The following UPF2 variants were observed in gnomAD, a reference collection of about 807,000 sequenced individuals.
UPF2 encodes the protein regulator of nonsense transcripts 2.
In UPF2, 17 loss-of-function variants were observed where a neutral mutation model predicts 141.4. The observed-to-expected ratio is 0.12, with a 90% CI of 0.08 to 0.18. The LOEUF (loss-of-function observed/expected upper bound fraction) is 0.18, where lower values mean the gene tolerates loss of function less well. Among genes scored for constraint, UPF2 ranks in the 10% least tolerant of loss-of-function variants. UPF2 has a pLI of 1.00. For missense variants in UPF2, 1,152 were observed against 1,515.9 expected, an observed-to-expected ratio of 0.76 and a Z score of 3.99; for synonymous variants, 540 against 498.0, an observed-to-expected ratio of 1.08 and a Z score of -1.12.
At chr10:12,032,628 C>G (rs1395276556) in intron 2 of UPF2, among the ~76,000 whole-genome samples, 2 of 151,946 alleles carry the variant, frequency 1.3e-5, no homozygotes, top group East Asian at 3.9e-4. Context: ...GTCCCAGCTA[C>G]TCAAGAGGCA....
At chr10:11,978,968 A>T in intron 9 of UPF2, 89 bp downstream of exon 9, 1 of 1,102,912 alleles carries the variant, frequency 9.1e-7, no homozygotes, top group Non-Finnish European at 1.3e-6. Context: ...AAATTTCAAG[A>T]ATATGCTTAC....
At chr10:11,960,189 C>T (rs1833217281) in intron 11 of UPF2, among the ~76,000 whole-genome samples, 1 of 152,154 alleles carries the variant, frequency 6.6e-6, no homozygotes, top group Non-Finnish European at 1.5e-5. Context: ...GATCTTTAAA[C>T]AGCACTCCTA....
chr10:11,969,391 G>A (rs965428085), intron 9 of UPF2, among the ~76,000 whole-genome samples: 7 of 151,828 alleles, frequency 4.6e-5, no homozygotes, highest in Admixed American at 1.3e-4. Flanking sequence ...GGCTGGTCTC[G>A]AACTCCTGAC....
intron 14 of UPF2, among the ~76,000 whole-genome samples, chr10:11,952,775 T>C (rs752784169): frequency 1.3e-5 from 2 of 152,034 alleles, no homozygotes; most frequent in Non-Finnish European, 2.9e-5. Context: ...CGCCCGGCCC[T>C]AGATATCTTT....
intron 21 of UPF2, among the ~76,000 whole-genome samples, chr10:11,922,836 A>C (rs945764468): frequency 6.6e-6 from 1 of 152,224 alleles, no homozygotes. Flanking sequence ...CAAGAGTTCA[A>C]TATCAGCCTG....
At chr10:11,984,134 G>C (rs1045478102) in intron 8 of UPF2, among the ~76,000 whole-genome samples, 2 of 152,032 alleles carry the variant, frequency 1.3e-5, no homozygotes, top group African/African-American at 4.8e-5. Flanking sequence ...TGTTGGTCAG[G>C]GTGGTCTGGA....
intron 21 of UPF2, among the ~76,000 whole-genome samples, chr10:11,927,774 G>T (rs1423094662): frequency 6.6e-6 from 1 of 152,086 alleles, no homozygotes; most frequent in African/African-American, 2.4e-5. Context: ...TGACAAGCCA[G>T]TTTTCTACAT....
At chr10:11,969,663 T>A (rs141960801) in intron 9 of UPF2, among the ~76,000 whole-genome samples, 4 of 152,226 alleles carry the variant, frequency 2.6e-5, no homozygotes, top group Non-Finnish European at 5.9e-5. Context: ...ATGTTTCATA[T>A]ACATGCACAT....
chr10:12,001,620 A>T, intron 6 of UPF2, 56 bp downstream of exon 6: 3 of 1,459,498 alleles, frequency 2.1e-6, no homozygotes, highest in Non-Finnish European at 2.8e-6. Context: ...TTCTTAGGCA[A>T]GAGCTCTGTG....
chr10:12,036,693 C>T (rs980482550), intron 1 of UPF2, among the ~76,000 whole-genome samples: 16 of 152,186 alleles, frequency 1.1e-4, no homozygotes, highest in Admixed American at 1.3e-4. Context: ...TGGTGTTTCA[C>T]GTTTTAACTC....
chr10:11,977,340 A>T (rs1833521400), intron 9 of UPF2, among the ~76,000 whole-genome samples: 1 of 152,156 alleles, frequency 6.6e-6, no homozygotes, highest in Non-Finnish European at 1.5e-5. Context: ...GTAGAAGGTG[A>T]TCAAGTTTGT....
In UPF2 at chr10:12,031,188, AAAC is replaced by A. The variant is rs1291399913; in HGVS notation, c.366-1667_366-1665del. Among the ~76,000 whole-genome samples, 11 of 151,174 alleles carry A rather than the reference AAAC, an allele frequency of 7.3e-5. 3 individuals are homozygous for A. The highest frequency in any genetic ancestry group is 3.3e-4 in the Admixed American group (5 of 15,152). Reference sequence around the variant, plus strand: ...GACTCCATCTCAAAAAAAAAAAAAAAAACAAAACAGTTTTGCAATGTTAGATAT... The same window carrying A: ...GACTCCATCTCAAAAAAAAAAAAAAAAAAACAGTTTTGCAATGTTAGATAT... On this transcript the variant is annotated intron_variant, in intron 2 of 21. Transcript: ENST00000357604.
rs911123615 is a variant in UPF2 at position 12,014,791 on chromosome 10, T to C, written c.1146-607A>G. Reference sequence around the variant, plus strand: ...AGTTATCCTTAAACTTCCATAATGATTTGAATCAAGATTATCTTTTGAAAA... The same window carrying C: ...AGTTATCCTTAAACTTCCATAATGACTTGAATCAAGATTATCTTTTGAAAA... On this transcript the variant is annotated intron_variant, in intron 3 of 21. Coordinates refer to ENST00000357604, the MANE Select transcript of UPF2 (RefSeq NM_015542.4). The surrounding 1 kb of genome is among the most constrained non-coding windows in gnomAD (Gnocchi z 5.0). Among the ~76,000 whole-genome samples the C allele has an allele frequency of 6.6e-6, 1 of 152,178 alleles. No homozygotes were observed. Among genetic ancestry groups the C allele is most frequent in the Admixed American group, 6.5e-5 (1 of 15,282 alleles).
rs182762036 is a variant in UPF2 at position 11,992,920 on chromosome 10, G to A, written c.1844+4752C>T. Among the ~76,000 whole-genome samples, 1 of 152,070 alleles carries A rather than the reference G, an allele frequency of 6.6e-6. No homozygotes were observed. Among genetic ancestry groups the A allele is most frequent in the Non-Finnish European group, 1.5e-5 (1 of 67,988 alleles). On this transcript the variant is annotated intron_variant, in intron 8 of 21. Transcript: ENST00000357604. This position sits in a 1 kb window ranked among gnomAD's most constrained non-coding sequence, Gnocchi z 4.1. The stretch of plus-strand genomic sequence containing the variant: ...TCCCAGCACTTTGGGAGGCCAAGGC[G>A]AGTGAATCACTTGCGGTCAGGAGTT...
intron 4 of UPF2, among the ~76,000 whole-genome samples, chr10:12,010,898 A>G (rs529058130): frequency 6.6e-6 from 1 of 152,284 alleles, no homozygotes; most frequent in East Asian, 1.9e-4. Flanking sequence ...TCTTGATGGA[A>G]CAATGCAAGC....
At chr10:11,922,061 C>T (rs1366118497) in intron 21 of UPF2, among the ~76,000 whole-genome samples, 2 of 152,028 alleles carry the variant, frequency 1.3e-5, no homozygotes, top group Admixed American at 1.3e-4. Context: ...GAAAAGGCCA[C>T]GTGAAGACAA....
intron 15 of UPF2, among the ~76,000 whole-genome samples, chr10:11,949,656 T>C (rs912858047): frequency 1.3e-5 from 2 of 152,226 alleles, no homozygotes; most frequent in Non-Finnish European, 2.9e-5. Context: ...TACCTGTTCA[T>C]GCATAGAATC....
intron 9 of UPF2, among the ~76,000 whole-genome samples, chr10:11,977,868 T>C (rs562435961): frequency 7.7e-4 from 117 of 152,340 alleles, no homozygotes; most frequent in African/African-American, 2.6e-3. Flanking sequence ...GTTCAGTGTT[T>C]CCAACCTCTC....
intron 8 of UPF2, among the ~76,000 whole-genome samples, chr10:11,987,334 A>C (rs769521359): frequency 2.0e-5 from 3 of 152,246 alleles, no homozygotes; most frequent in Non-Finnish European, 2.9e-5. Context: ...TAAAAGTTGA[A>C]GACAAAAAAA....
Sources: gnomAD v4.1 joint callset for allele counts (sites outside exome capture counted in the v4.1 genomes callset) on GRCh38, gnomAD v4.1.1 for gene constraint, Gnocchi (gnomAD v3.1) non-coding constraint, MANE v1.5 for transcripts, NCBI Gene and HGNC (gene_info 2026-07-23, HGNC 2026-07-21) for gene names.